The following ITGA8 variants were observed in gnomAD, a reference collection of about 807,000 sequenced individuals.
ITGA8 encodes integrin subunit alpha 8, also known as integrin alpha-8.
ITGA8 carries 91 observed loss-of-function variants against 142.3 expected under a neutral mutation model. The observed-to-expected ratio is 0.64, with a 90% CI of 0.54 to 0.76. ITGA8 has a LOEUF of 0.76. Ranked by LOEUF, ITGA8 falls within the 30% of genes least tolerant of loss-of-function variation. The pLI is 0.00. For missense variants in ITGA8, 1,406 were observed against 1,327.7 expected, an observed-to-expected ratio of 1.06 and a Z score of -0.92; for synonymous variants, 505 against 485.2, an observed-to-expected ratio of 1.04 and a Z score of -0.54.
At chr10:15,548,212 C>T (rs1335474481) in intron 27 of ITGA8, among the ~76,000 whole-genome samples, 1 of 151,970 alleles carries the variant, frequency 6.6e-6, no homozygotes. Context: ...ATGCCTCAGT[C>T]TCCCAAGTAG....
intron 11 of ITGA8, among the ~76,000 whole-genome samples, chr10:15,649,542 C>T (rs781127970): frequency 1.3e-5 from 2 of 150,052 alleles, no homozygotes; most frequent in Non-Finnish European, 2.9e-5. Flanking sequence ...GCAGGAGAAT[C>T]GCTTGAACCC....
intron 24 of ITGA8, 53 bp from the exon 25 acceptor site, chr10:15,572,422 A>G: frequency 6.5e-7 from 1 of 1,543,952 alleles, no homozygotes; most frequent in Admixed American, 1.7e-5. Flanking sequence ...AGAGAGATAA[A>G]ATCAAACTCC....
chr10:15,642,162 A>G (rs542805933), intron 13 of ITGA8, among the ~76,000 whole-genome samples: 12 of 152,286 alleles, frequency 7.9e-5, no homozygotes, highest in African/African-American at 2.6e-4. Flanking sequence ...GAGGTAATCA[A>G]TTACTAACAT....
chr10:15,707,759 G>A (rs900762241), intron 2 of ITGA8, among the ~76,000 whole-genome samples: 1 of 151,446 alleles, frequency 6.6e-6, no homozygotes, highest in Non-Finnish European at 1.5e-5. Flanking sequence ...GGAGGTGGAG[G>A]TTGCGGTGAG....
At chr10:15,550,150 C>T (rs190939246) in intron 26 of ITGA8, among the ~76,000 whole-genome samples, 46 of 152,278 alleles carry the variant, frequency 3.0e-4, no homozygotes, top group Middle Eastern at 3.4e-3. Context: ...TTTCCTCTTT[C>T]GCTTGGCTCT....
chr10:15,575,630 G>T, intron 23 of ITGA8, 36 bp from the exon 24 acceptor site: 1 of 1,519,340 alleles, frequency 6.6e-7, no homozygotes. Flanking sequence ...TGTTAGCAAT[G>T]GCCCAGGTAA....
intron 25 of ITGA8, among the ~76,000 whole-genome samples, chr10:15,562,796 T>C (rs1020432679): frequency 4.6e-5 from 7 of 152,146 alleles, no homozygotes; most frequent in African/African-American, 1.4e-4. Context: ...CCCAGAACCA[T>C]GGCAGAGCCT....
intron 27 of ITGA8, among the ~76,000 whole-genome samples, chr10:15,532,440 A>AGC: frequency 6.7e-6 from 1 of 149,448 alleles, no homozygotes; most frequent in Non-Finnish European, 1.5e-5. Flanking sequence ...AAAAAAAAAA[A>AGC]AAAAAAGCCT....
intron 2 of ITGA8, among the ~76,000 whole-genome samples, chr10:15,702,883 A>G (rs567606574): frequency 8.5e-5 from 13 of 152,320 alleles, no homozygotes; most frequent in African/African-American, 2.4e-4. Flanking sequence ...AGAGAACTGT[A>G]TAAGGTAGCA....
intron 13 of ITGA8, among the ~76,000 whole-genome samples, chr10:15,636,780 T>C (rs1833778738): frequency 6.6e-6 from 1 of 152,238 alleles, no homozygotes; most frequent in Non-Finnish European, 1.5e-5. Flanking sequence ...AATTTAAATA[T>C]TTTTAAATGG....
At chr10:15,706,728 C>T (rs1333019463) in intron 2 of ITGA8, among the ~76,000 whole-genome samples, 3 of 152,114 alleles carry the variant, frequency 2.0e-5, no homozygotes, top group Admixed American at 6.5e-5. Flanking sequence ...ATGTGAGCCC[C>T]CATGACTGAC....
intron 9 of ITGA8, 91 bp from the exon 10 acceptor site, chr10:15,659,146 T>G: frequency 2.5e-6 from 2 of 804,854 alleles, no homozygotes; most frequent in Non-Finnish European, 3.9e-6. Context: ...TAAAATTTTT[T>G]GTAAAGTGTG....
At chr10:15,534,378 C>T (rs1337827991) in intron 27 of ITGA8, among the ~76,000 whole-genome samples, 1 of 152,174 alleles carries the variant, frequency 6.6e-6, no homozygotes, top group Non-Finnish European at 1.5e-5. Flanking sequence ...TTACTTTTCT[C>T]CCCAACTATA....
chr10:15,688,153 C>A, intron 2 of ITGA8, 115 bp from the exon 3 acceptor site: 1 of 720,704 alleles, frequency 1.4e-6, no homozygotes, highest in South Asian at 1.7e-5. Context: ...TGTCAAACTC[C>A]TCCAAAAAAA....
At chr10:15,609,931 CA>C (rs1289863668) in intron 15 of ITGA8, among the ~76,000 whole-genome samples, 7 of 152,012 alleles carry the variant, frequency 4.6e-5, no homozygotes, top group Non-Finnish European at 7.4e-5. Context: ...TACAAATGAA[CA>C]TTTTTTTCCT....
At position 15,646,808 on chromosome 10, in the gene ITGA8, C is replaced by T. The variant is rs756492211; in HGVS notation, c.1207+38G>A. ...CATGGTCTCCTTTATGCAGTGGTGA[C>T]GACACATAAATGACTTCCACGCTTT... On this transcript the variant is annotated intron_variant, in intron 12 of 29. Transcript: ENST00000378076. 55 of 1,517,830 alleles carry T rather than the reference C, an allele frequency of 3.6e-5. 1 individual carries two copies. Among genetic ancestry groups the T allele is most frequent in the East Asian group, 2.7e-4 (12 of 44,354 alleles). The allele number at this position is 1,517,830 out of a possible 1,614,324, so 94.0% of individuals were successfully genotyped here. A position where few individuals can be genotyped will look rare whatever the true frequency, so the allele number is the denominator to read the frequency against.
Position 15,548,555 on chromosome 10 carries a change from A to G in ITGA8, c.2780T>C (p.Ile927Thr), listed in dbSNP as rs1188850538. The change falls in exon 27 of 30, where the codon ATC becomes ACC. Residue 927 changes from isoleucine (I) to threonine (T), a missense_variant. Coordinates refer to ENST00000378076, the MANE Select transcript of ITGA8 (RefSeq NM_003638.3). ...SPAKILNCTN[I>T]ECLQISCAVG... ...TGCACAGGAGATTTGTAAACACTCG[A>G]TATTTGTACAATTCTGCAAACAGCA... 1.9e-6 allele frequency: 3 copies of G among 1,610,542 alleles called. No homozygotes were observed. Among genetic ancestry groups the G allele is most frequent in the Non-Finnish European group, 2.5e-6 (3 of 1,178,124 alleles).
chr10:15,618,748 T>G (rs949625263), intron 13 of ITGA8, among the ~76,000 whole-genome samples: 9 of 152,178 alleles, frequency 5.9e-5, no homozygotes, highest in African/African-American at 1.9e-4. Context: ...CCCTCGAACA[T>G]CAGACTCCAA....
intron 8 of ITGA8, 74 bp downstream of exon 8, chr10:15,671,529 A>T: frequency 8.1e-7 from 1 of 1,228,578 alleles, no homozygotes; most frequent in South Asian, 1.2e-5. Flanking sequence ...TCACATTGAT[A>T]GAAAAAACTT....
Sources: gnomAD v4.1 joint callset for allele counts (sites outside exome capture counted in the v4.1 genomes callset) on GRCh38, gnomAD v4.1.1 for gene constraint, MANE v1.5 for transcripts, NCBI Gene and HGNC (gene_info 2026-07-23, HGNC 2026-07-21) for gene names.